The following CCDC171 variants were observed in gnomAD, a reference collection of about 807,000 sequenced individuals.
CCDC171 encodes coiled-coil domain-containing protein 171.
CCDC171 carries 177 observed loss-of-function variants against 168.2 expected under a neutral mutation model. The ratio of observed to expected loss-of-function variants is 1.05; its 90% CI spans 0.93 to 1.19. The LOEUF (loss-of-function observed/expected upper bound fraction) is 1.19, where lower values mean the gene tolerates loss of function less well. Ranked by LOEUF, CCDC171 falls within the 50% of genes most tolerant of loss-of-function variation. The pLI, the probability that CCDC171 is intolerant of heterozygous loss-of-function variation, is 0.00. For missense variants in CCDC171, 1,991 were observed against 1,539.0 expected (o/e 1.29, Z -4.91); for synonymous variants, 687 against 540.8 (o/e 1.27, Z -3.75).
chr9:15,646,565 A>G (rs2047057168), intron 7 of CCDC171, among the ~76,000 whole-genome samples: 1 of 152,220 alleles, frequency 6.6e-6, no homozygotes, highest in Non-Finnish European at 1.5e-5. Context: ...AGATCTACCA[A>G]GAAAATGGAA....
intron 3 of CCDC171, among the ~76,000 whole-genome samples, chr9:16,009,068 T>A (rs1832785924): frequency 6.6e-6 from 1 of 151,924 alleles, no homozygotes; most frequent in Non-Finnish European, 1.5e-5. Flanking sequence ...TGTATTATTA[T>A]AATTTTGCAA....
At chr9:15,644,450 C>T (rs940035725) in intron 7 of CCDC171, among the ~76,000 whole-genome samples, 1 of 152,154 alleles carries the variant, frequency 6.6e-6, no homozygotes, top group Admixed American at 6.5e-5. Context: ...GAGGCATCGT[C>T]TCACCCGGGA....
chr9:16,001,889 G>A (rs1372220165), intron 3 of CCDC171, among the ~76,000 whole-genome samples: 1 of 146,040 alleles, frequency 6.8e-6, no homozygotes. Context: ...CCAGGCTGAA[G>A]TGTGGGGGTG....
intron 8 of CCDC171, among the ~76,000 whole-genome samples, chr9:15,663,510 A>G (rs1447787761): frequency 1.1e-4 from 16 of 152,018 alleles, no homozygotes; most frequent in Non-Finnish European, 8.8e-5. Flanking sequence ...AGCATACTAT[A>G]TACGCTGATG....
chr9:15,998,231 A>T (rs1832432271), intron 3 of CCDC171, among the ~76,000 whole-genome samples: 1 of 152,176 alleles, frequency 6.6e-6, no homozygotes, highest in African/African-American at 2.4e-5. Flanking sequence ...GAGCTGTCTA[A>T]TTCAGTATAT....
Position 15,954,273 on chromosome 9 carries a change from C to T in CCDC171, c.3754-17336C>T, listed in dbSNP as rs145677900. Among the ~76,000 whole-genome samples the T allele has an allele frequency of 1.4e-3, 206 of 150,998 alleles. No individual in the cohort carries two copies. In the East Asian group the frequency reaches 0.022, roughly 16 times the overall value. On this transcript the variant is annotated intron_variant, in intron 25 of 25. Coordinates refer to ENST00000380701, the MANE Select transcript of CCDC171 (RefSeq NM_173550.4). Reference sequence around the variant, plus strand: ...TTCTTAAGTAGTAAAGTTAGGTTGTCGATTTGAGATCTTTCTTGTTTCTTA... The same window carrying T: ...TTCTTAAGTAGTAAAGTTAGGTTGTTGATTTGAGATCTTTCTTGTTTCTTA...
In CCDC171 at chr9:15,768,869, G is replaced by A. The variant is rs910107690; in HGVS notation, c.2672-8731G>A. 1.4e-4 allele frequency among the ~76,000 whole-genome samples: 22 copies of A among 152,166 alleles called. 1 individual carries two copies. In the East Asian group the frequency reaches 3.5e-3, roughly 24 times the overall value. On this transcript the variant is annotated intron_variant, in intron 18 of 25. Coordinates refer to ENST00000380701, the MANE Select transcript of CCDC171 (RefSeq NM_173550.4). Reference sequence around the variant, plus strand: ...CTTGATGTGTCACCTATCTTCATCCGCAGTATCAGCAGCAATATTGTTCCT... The same window carrying A: ...CTTGATGTGTCACCTATCTTCATCCACAGTATCAGCAGCAATATTGTTCCT...
chr9:15,653,665 T>G (rs1245416198), intron 7 of CCDC171, among the ~76,000 whole-genome samples: 2 of 152,134 alleles, frequency 1.3e-5, no homozygotes, highest in Non-Finnish European at 2.9e-5. Flanking sequence ...CACCCCTAAC[T>G]CCCAGTTTGA....
At chr9:15,828,824 C>T (rs564831977) in intron 21 of CCDC171, among the ~76,000 whole-genome samples, 16 of 152,086 alleles carry the variant, frequency 1.1e-4, no homozygotes, top group Non-Finnish European at 1.8e-4. Context: ...ATATTTTTCT[C>T]TTTTCTAAAA....
chr9:15,920,838 C>A (rs950100515), intron 25 of CCDC171, among the ~76,000 whole-genome samples: 5 of 151,518 alleles, frequency 3.3e-5, no homozygotes, highest in African/African-American at 1.2e-4. Flanking sequence ...CTAGACTTAT[C>A]CATAATACAT....
At position 15,821,527 on chromosome 9, in the gene CCDC171, T is replaced by A. The variant is rs1479978616; in HGVS notation, c.3268-25175T>A. Among the ~76,000 whole-genome samples, 4 of 117,422 alleles carry A rather than the reference T, an allele frequency of 3.4e-5. 1 individual carries two copies. Among genetic ancestry groups the A allele is most frequent in the African/African-American group, 1.3e-4 (4 of 31,222 alleles). 77.0% of individuals were successfully genotyped at this position (117,422 alleles called of 152,430 possible). ...AATCAATGTGCAAAAGTCACAAGCA[T>A]TCTTATACACCAATAACAGACAAAC... On this transcript the variant is annotated intron_variant, in intron 21 of 25. Transcript: ENST00000380701.
At chr9:15,878,608 CCT>C (rs1246529169) in intron 24 of CCDC171, among the ~76,000 whole-genome samples, 3 of 152,120 alleles carry the variant, frequency 2.0e-5, no homozygotes, top group Admixed American at 6.5e-5. Flanking sequence ...TACCATTTGA[CCT>C]AGCACTCCCA....
chr9:15,767,445 T>C (rs1212597090), intron 18 of CCDC171, among the ~76,000 whole-genome samples: 1 of 152,202 alleles, frequency 6.6e-6, no homozygotes, highest in Non-Finnish European at 1.5e-5. Context: ...TTGGGTCTAC[T>C]TGAATAATCC....
chr9:15,702,053 G>C (rs1244063787), intron 11 of CCDC171, among the ~76,000 whole-genome samples: 1 of 152,168 alleles, frequency 6.6e-6, no homozygotes, highest in East Asian at 1.9e-4. Context: ...GTGTTACCAG[G>C]CTTGAAAACA....
intron 3 of CCDC171, among the ~76,000 whole-genome samples, chr9:16,018,432 G>T (rs1374996524): frequency 2.0e-5 from 3 of 151,874 alleles, no homozygotes; most frequent in Non-Finnish European, 4.4e-5. Context: ...ATATTTTTTT[G>T]TTGTGTTTAA....
intron 3 of CCDC171, among the ~76,000 whole-genome samples, chr9:16,019,613 A>G (rs896362876): frequency 5.9e-5 from 9 of 152,140 alleles, no homozygotes; most frequent in African/African-American, 1.9e-4. Context: ...ATGGTTAGAG[A>G]AATCTCACCT....
At chr9:15,727,765 C>T (rs1008496175) in intron 14 of CCDC171, 104 bp from the exon 15 acceptor site, 1 of 784,026 alleles carries the variant, frequency 1.3e-6, no homozygotes, top group Non-Finnish European at 1.9e-6. Flanking sequence ...TATTGTAATT[C>T]CTTTTCAGGT....
intron 4 of CCDC171, among the ~76,000 whole-genome samples, chr9:15,579,821 A>G (rs1334999629): frequency 6.6e-6 from 1 of 152,192 alleles, no homozygotes; most frequent in East Asian, 1.9e-4. Flanking sequence ...ATTGATGTGT[A>G]GTATTGTGTA....
At chr9:15,963,018 A>G (rs141254734) in intron 25 of CCDC171, among the ~76,000 whole-genome samples, 5 of 152,158 alleles carry the variant, frequency 3.3e-5, no homozygotes, top group African/African-American at 1.2e-4. Flanking sequence ...TAGTTGTATT[A>G]TATGGTTGTC....
Sources: allele counts gnomAD v4.1 joint callset (sites outside exome capture counted in the v4.1 genomes callset), GRCh38; gene constraint gnomAD v4.1.1; transcripts MANE v1.5; gene names NCBI Gene and HGNC (gene_info 2026-07-23, HGNC 2026-07-21).